Variants in RABGEF1 observed in about 807,000 individuals in gnomAD.
RABGEF1 encodes the protein RAB guanine nucleotide exchange factor 1, also known as rab5 GDP/GTP exchange factor.
In RABGEF1, 26 loss-of-function variants were observed where a neutral mutation model predicts 57.3. That is an observed-to-expected ratio of 0.45 (90% CI 0.33 to 0.63). RABGEF1 has a LOEUF of 0.63. RABGEF1 is among the 20% of genes least tolerant of loss of function. The pLI is 0.02. For synonymous variants in RABGEF1, 185 were observed against 210.7 expected (o/e 0.88, Z 1.06); for missense variants, 464 against 607.6 (o/e 0.76, Z 2.48).
chr7:66,704,644 A>T (rs1020849865), intron 1 of RABGEF1, among the ~76,000 whole-genome samples: 6 of 152,004 alleles, frequency 3.9e-5, no homozygotes, highest in Non-Finnish European at 7.4e-5. Flanking sequence ...CCCCATCTCT[A>T]CTAAAAATAC....
rs757167396 is a variant in RABGEF1 at position 66,809,142 on chromosome 7, T to C, written c.1334T>C (p.Ile445Thr). 5 of 1,614,166 alleles carry C rather than the reference T, an allele frequency of 3.1e-6. No individual in the cohort carries two copies. The highest frequency in any genetic ancestry group is 4.2e-6 in the Non-Finnish European group (5 of 1,180,036). The change falls in exon 9 of 9, where the codon ATT becomes ACT. Residue 445 changes from isoleucine to threonine, a missense_variant. Physicochemically the swap from Ile to Thr is moderately conservative, Grantham distance 89 (BLOSUM62 -1). This residue lies in a region of RABGEF1 where 151 missense variants were observed against 152.2 expected (regional missense o/e 0.99). Coordinates refer to ENST00000284957, the MANE Select transcript of RABGEF1 (RefSeq NM_014504.3). The part of the protein sequence containing the change: ...EKDLIDWTDG[I>T]AREVQDIVEK... The stretch of plus-strand genomic sequence containing the variant: ...GACCTCATAGATTGGACAGATGGAA[T>C]TGCAAGAGAAGTTCAAGACATCGTT...
upstream of RABGEF1, among the ~76,000 whole-genome samples, chr7:66,681,017 A>G (rs978066839): frequency 2.0e-5 from 3 of 151,806 alleles, no homozygotes; most frequent in African/African-American, 7.3e-5. Flanking sequence ...TAGGAGGCGG[A>G]GTTTGCAGTG....
At chr7:66,786,145 T>C (rs1811135167) in intron 4 of RABGEF1, among the ~76,000 whole-genome samples, 1 of 152,232 alleles carries the variant, frequency 6.6e-6, no homozygotes, top group Non-Finnish European at 1.5e-5. Context: ...ACATCATTTC[T>C]GTTTTCTCCA....
chr7:66,744,847 A>G, intron 1 of RABGEF1, among the ~76,000 whole-genome samples: 1 of 152,070 alleles, frequency 6.6e-6, no homozygotes, highest in Non-Finnish European at 1.5e-5. Context: ...AACTGATTTG[A>G]TAAGAATAAC....
At chr7:66,712,018 G>A (rs1794840220) in intron 1 of RABGEF1, 1 of 152,078 alleles carries the variant, frequency 6.6e-6, no homozygotes, top group Non-Finnish European at 1.5e-5. Flanking sequence ...CCTAAATTCA[G>A]GTAATGTGAG....
At chr7:66,665,950 A>G in the RABGEF1 span, among the ~76,000 whole-genome samples, 1 of 152,222 alleles carries the variant, frequency 6.6e-6, no homozygotes, top group Non-Finnish European at 1.5e-5. Context: ...GAGGTCAAGG[A>G]AGGCTTCTTG....
intron 1 of RABGEF1, among the ~76,000 whole-genome samples, chr7:66,694,416 C>G (rs1415670836): frequency 6.6e-6 from 1 of 152,124 alleles, no homozygotes; most frequent in African/African-American, 2.4e-5. Context: ...AGTGATGAAC[C>G]CGGGGAGTTG....
intron 1 of RABGEF1, among the ~76,000 whole-genome samples, chr7:66,686,941 C>T (rs1790734197): frequency 1.3e-5 from 2 of 151,580 alleles, no homozygotes. Flanking sequence ...CCTGCCTCAG[C>T]CTCCCGAGTA....
intron 1 of RABGEF1, among the ~76,000 whole-genome samples, chr7:66,684,312 C>T (rs991352283): frequency 1.2e-4 from 19 of 152,120 alleles, no homozygotes; most frequent in African/African-American, 4.1e-4. Context: ...GGCATGATGG[C>T]GCCTACCTGT....
At chr7:66,709,711 G>T (rs1794558515) in intron 1 of RABGEF1, among the ~76,000 whole-genome samples, 1 of 152,146 alleles carries the variant, frequency 6.6e-6, no homozygotes, top group East Asian at 1.9e-4. Flanking sequence ...GGAGGTGGAG[G>T]TTGCAGTGAA....
chr7:66,764,465 G>A (rs1008356441), intron 1 of RABGEF1, among the ~76,000 whole-genome samples: 2 of 152,052 alleles, frequency 1.3e-5, no homozygotes, highest in Admixed American at 1.3e-4. Flanking sequence ...AATTTTGTTG[G>A]AGTACAATTT....
intron 1 of RABGEF1, among the ~76,000 whole-genome samples, chr7:66,764,842 C>T (rs372539877): frequency 6.6e-6 from 1 of 152,108 alleles, no homozygotes; most frequent in Non-Finnish European, 1.5e-5. Context: ...GTGCCAGTAC[C>T]GCGCTGTAGT....
At chr7:66,663,103 G>A in the RABGEF1 span, among the ~76,000 whole-genome samples, 37 of 152,344 alleles carry the variant, frequency 2.4e-4, no homozygotes, top group Admixed American at 1.6e-3. Context: ...TAACATGAGC[G>A]CTCTGTGTCT....
At chr7:66,739,201 C>G (rs1455092915), upstream of RABGEF1, among the ~76,000 whole-genome samples, 1 of 151,778 alleles carries the variant, frequency 6.6e-6, no homozygotes, top group Non-Finnish European at 1.5e-5. Context: ...CTGCCCGCCT[C>G]GGCTTCCCAA....
chr7:66,714,705 G>A (rs556010448), intron 2 of RABGEF1, among the ~76,000 whole-genome samples: 1 of 152,306 alleles, frequency 6.6e-6, no homozygotes, highest in Admixed American at 6.5e-5. Context: ...GGAGGCCCAG[G>A]CGGGCGGATC....
At chr7:66,698,819 C>G (rs187477279) in intron 1 of RABGEF1, among the ~76,000 whole-genome samples, 1 of 152,344 alleles carries the variant, frequency 6.6e-6, no homozygotes, top group Non-Finnish European at 1.5e-5. Context: ...TCACTCCTGA[C>G]TCCACCCTGG....
upstream of RABGEF1, among the ~76,000 whole-genome samples, chr7:66,677,686 C>T (rs1440943713): frequency 6.9e-6 from 1 of 145,976 alleles, no homozygotes; most frequent in East Asian, 2.0e-4. Context: ...GGCGTGAACC[C>T]GGGAGGGGGA....
Position 66,719,456 on chromosome 7 carries a change from G to A in RABGEF1, c.-815+7232G>A, listed in dbSNP as rs2659900. ...CTGGCCTCAAGCACCTCGGCCCCCCGCAGTGTGCTGGGATTACAGGCATGA... is the reference window on the plus strand; with the variant it reads ...CTGGCCTCAAGCACCTCGGCCCCCCACAGTGTGCTGGGATTACAGGCATGA... On this transcript the variant is annotated intron_variant and NMD_transcript_variant, in intron 2 of 9. Transcript: ENST00000607882. Among the ~76,000 whole-genome samples, 25 of 152,058 alleles carry A rather than the reference G, an allele frequency of 1.6e-4. No homozygotes were observed. The East Asian group carries it at 1.9e-3, about 12-fold the overall frequency.
rs546551036 is a variant in RABGEF1, at chr7:66,685,022, C to T, written c.-873+2764C>T. 2.8e-3 allele frequency among the ~76,000 whole-genome samples: 433 copies of T among 152,146 alleles called. 3 individuals are homozygous for T. The highest frequency in any genetic ancestry group is 5.0e-3 in the Admixed American group (77 of 15,258). ...TCAAGTGATTCTCTAGCCTTGGACT[C>T]CCAAAGTGTTGGGATTACAAACATG... On this transcript the variant is annotated intron_variant and NMD_transcript_variant, in intron 1 of 9. Transcript: ENST00000607882.
Sources: allele counts gnomAD v4.1 joint callset (sites outside exome capture counted in the v4.1 genomes callset), GRCh38; gene constraint gnomAD v4.1.1; regional missense constraint gnomAD v4.1.1; transcripts MANE v1.5; gene names NCBI Gene and HGNC (gene_info 2026-07-23, HGNC 2026-07-21).